AZI2: variants seen among roughly 807,000 people sequenced by gnomAD.
AZI2 encodes 5-azacytidine induced 2.
AZI2 carries 22 observed loss-of-function variants against 45.8 expected under a neutral mutation model. That is an observed-to-expected ratio of 0.48 (90% CI 0.34 to 0.69). The LOEUF (loss-of-function observed/expected upper bound fraction) is 0.69, where lower values mean the gene tolerates loss of function less well. Ranked by LOEUF, AZI2 falls within the 30% of genes least tolerant of loss-of-function variation. The pLI, the probability that AZI2 is intolerant of heterozygous loss-of-function variation, is 0.01. For missense variants in AZI2, 417 were observed against 441.5 expected (o/e 0.94, Z 0.50); for synonymous variants, 137 against 156.7 (o/e 0.87, Z 0.94).
chr3:28,348,290 A>T (rs1434607002), intron 1 of AZI2: 1 of 152,170 alleles, frequency 6.6e-6, no homozygotes, highest in Non-Finnish European at 1.5e-5. Context: ...AGCAGTCTCA[A>T]TGAATGAAAA....
At chr3:28,347,395 G>GA (rs531461818) in intron 1 of AZI2, among the ~76,000 whole-genome samples, 40 of 152,222 alleles carry the variant, frequency 2.6e-4, no homozygotes, top group African/African-American at 8.7e-4. Context: ...AGGTTGTAAA[G>GA]AATCTCCTCA....
intron 1 of AZI2, chr3:28,348,182 C>A (rs1162873431): frequency 2.0e-5 from 3 of 152,170 alleles, no homozygotes; most frequent in Non-Finnish European, 4.4e-5. Context: ...CGATCAAGTG[C>A]AGGGGGTCGA....
intron 2 of AZI2, 103 bp from the exon 3 acceptor site, chr3:28,338,718 G>A (rs1161088532): frequency 9.4e-7 from 1 of 1,064,686 alleles, no homozygotes; most frequent in Non-Finnish European, 1.3e-6. Flanking sequence ...TCGTAATAAG[G>A]GGATAAAGCC....
At chr3:28,347,498 T>G (rs556580196) in intron 1 of AZI2, among the ~76,000 whole-genome samples, 1 of 152,122 alleles carries the variant, frequency 6.6e-6, no homozygotes, top group Non-Finnish European at 1.5e-5. Context: ...CCAGCATAAC[T>G]CTTAGAAACT....
At chr3:28,325,863 A>G (rs984154315) in intron 7 of AZI2, among the ~76,000 whole-genome samples, 2 of 150,896 alleles carry the variant, frequency 1.3e-5, no homozygotes, top group Non-Finnish European at 3.0e-5. Context: ...ACACCATACT[A>G]TTTTCCCTGA....
intron 6 of AZI2, among the ~76,000 whole-genome samples, chr3:28,328,140 TGTTAA>T (rs1703449000): frequency 6.6e-6 from 1 of 151,034 alleles, no homozygotes; most frequent in African/African-American, 2.4e-5. Flanking sequence ...AAACATCATT[TGTTAA>T]GTTGTAGTAT....
chr3:28,334,828 AT>A (rs1703724479), intron 5 of AZI2, among the ~76,000 whole-genome samples: 1 of 151,996 alleles, frequency 6.6e-6, no homozygotes, highest in Non-Finnish European at 1.5e-5. Context: ...CTCTAATCAA[AT>A]TTTTTAAAAA....
At position 28,324,241 on chromosome 3, in the gene AZI2, G is replaced by C. The variant is rs764881587; in HGVS notation, c.980C>G (p.Pro327Arg). ...QSWTDNERSI[P>R]NDGTCFQEHS... is the part of the protein sequence containing the mutation. ...TTCCTGAAAGCATGTACCATCATTA[G>C]GAATGGATCTCTCATTGTCTGTCCA... Residue 327 changes from proline (P) to arginine (R), a missense_variant, in exon 8 of 8, where the codon CCT becomes CGT. Transcript: ENST00000479665. The C allele has an allele frequency of 1.9e-6, 3 of 1,610,156 alleles. No homozygotes were observed. The highest frequency in any genetic ancestry group is 1.6e-4 in the Middle Eastern group (1 of 6,068).
At chr3:28,335,472 G>A (rs1383815023) in intron 5 of AZI2, among the ~76,000 whole-genome samples, 1 of 151,856 alleles carries the variant, frequency 6.6e-6, no homozygotes, top group Non-Finnish European at 1.5e-5. Context: ...AAAGCTGGGG[G>A]AATCAACTTT....
Position 28,338,565 on chromosome 3 carries a change from T to A in AZI2, c.267A>T (p.Val89=). The change falls in exon 3 of 8, where the codon GTA becomes GTT. Residue 89 remains valine (V), a synonymous_variant. Coordinates refer to ENST00000479665, the MANE Select transcript of AZI2 (RefSeq NM_022461.5). ...EETSSVGREQ[V]NKAYHAYREV... ...CTCGATATGCATGATAGGCCTTATTTACTTGTTCTCGTCCCACGGAACTTG... is the reference window on the plus strand; with the variant it reads ...CTCGATATGCATGATAGGCCTTATTAACTTGTTCTCGTCCCACGGAACTTG... 6 of 1,610,692 alleles carry A rather than the reference T, an allele frequency of 3.7e-6. No homozygotes were observed. The highest frequency in any genetic ancestry group is 5.1e-6 in the Non-Finnish European group (6 of 1,178,054).
rs1391775514 is a variant in AZI2, at chr3:28,323,567, T to C, written c.*475A>G. On this transcript the variant is annotated 3_prime_UTR_variant, in exon 8 of 8. Transcript: ENST00000479665. Reference sequence around the variant, plus strand: ...TATAACCTAAGATGCTTTTATTTCATTATATTTTCAATATCTTTACGCATT... The same window carrying C: ...TATAACCTAAGATGCTTTTATTTCACTATATTTTCAATATCTTTACGCATT... 3 of 151,716 alleles carry C rather than the reference T, an allele frequency of 2.0e-5. No homozygotes were observed. The highest frequency in any genetic ancestry group is 4.8e-5 in the African/African-American group (2 of 41,310). The allele number at this position is 151,716 out of a possible 1,614,324, so 9.4% of individuals were successfully genotyped here.
In AZI2 at chr3:28,324,514, A is replaced by G. The variant is rs562082194; in HGVS notation, c.767-60T>C. The stretch of plus-strand genomic sequence containing the variant: ...ATTACATTTGTGATCATAAAATTCG[A>G]TAACACTTCACCAATTTGAATTCTA... On this transcript the variant is annotated intron_variant, in intron 7 of 7. Coordinates refer to ENST00000479665, the MANE Select transcript of AZI2 (RefSeq NM_022461.5). The G allele has an allele frequency of 1.4e-3, 1,854 of 1,356,304 alleles. 2 individuals are homozygous for G. The highest frequency in any genetic ancestry group is 1.7e-3 in the Non-Finnish European group (1,761 of 1,029,986). 84.0% of individuals were successfully genotyped at this position (1,356,304 alleles called of 1,614,324 possible).
At chr3:28,339,241 G>A (rs553802638) in intron 2 of AZI2, among the ~76,000 whole-genome samples, 1 of 152,040 alleles carries the variant, frequency 6.6e-6, no homozygotes, top group Non-Finnish European at 1.5e-5. Flanking sequence ...GCCTCCCAAA[G>A]GGCTGGAATT....
rs1703263016 is a variant in AZI2 at position 28,323,609 on chromosome 3, A to C, written c.*433T>G. The C allele has an allele frequency of 1.3e-5, 2 of 153,640 alleles. No homozygotes were observed. Among genetic ancestry groups the C allele is most frequent in the African/African-American group, 2.4e-5 (1 of 41,350 alleles). The allele number at this position is 153,640 out of a possible 1,614,324, so 9.5% of individuals were successfully genotyped here. The stretch of plus-strand genomic sequence containing the variant: ...TTACGCATTATAACAACAGAAATGT[A>C]ACCTACTCACATTGCCATTTGTTCC... On this transcript the variant is annotated 3_prime_UTR_variant, in exon 8 of 8. Coordinates refer to ENST00000479665, the MANE Select transcript of AZI2 (RefSeq NM_022461.5).
intron 4 of AZI2, among the ~76,000 whole-genome samples, chr3:28,337,331 T>C (rs1186673878): frequency 2.0e-5 from 3 of 151,594 alleles, no homozygotes; most frequent in Non-Finnish European, 4.4e-5. Flanking sequence ...TACTGCTTTA[T>C]TCTTTAATTA....
chr3:28,342,991 A>C (rs1704084031), intron 1 of AZI2, among the ~76,000 whole-genome samples: 1 of 152,100 alleles, frequency 6.6e-6, no homozygotes, highest in Admixed American at 6.6e-5. Context: ...GTGTATTTTA[A>C]GGATTGGGCT....
At position 28,323,404 on chromosome 3, in the gene AZI2, A is replaced by G. The variant is rs1703255013; in HGVS notation, c.*638T>C. 6.6e-6 allele frequency: 1 copy of G among 150,574 alleles called. No homozygotes were observed. The highest frequency in any genetic ancestry group is 2.4e-5 in the African/African-American group (1 of 41,082). 9.3% of individuals were successfully genotyped at this position (150,574 alleles called of 1,614,324 possible). On this transcript the variant is annotated 3_prime_UTR_variant, in exon 8 of 8. Transcript: ENST00000479665. ...AGGACTTAAGGAATGTGCTGGGACA[A>G]AGTTGGCTTCAGTGATCAGGTTGTT...
In AZI2 at chr3:28,321,672, A is replaced by G. The variant is rs1703192511; in HGVS notation, c.*2370T>C. 1 of 150,608 alleles carries G rather than the reference A, an allele frequency of 6.6e-6. No individual in the cohort carries two copies. Among genetic ancestry groups the G allele is most frequent in the African/African-American group, 2.4e-5 (1 of 41,246 alleles). 9.3% of individuals were successfully genotyped at this position (150,608 alleles called of 1,614,324 possible). On this transcript the variant is annotated 3_prime_UTR_variant, in exon 8 of 8. Transcript: ENST00000479665. The stretch of plus-strand genomic sequence containing the variant: ...GTAGCCTTTCTGAATTAAGATCAGT[A>G]CTTTGTTGTCACATGATTCAGCTCT...
intron 2 of AZI2, among the ~76,000 whole-genome samples, chr3:28,339,626 T>G (rs915109350): frequency 6.6e-6 from 1 of 152,180 alleles, no homozygotes; most frequent in Admixed American, 6.5e-5. Context: ...TCTTCAAGTT[T>G]TTTTTATATA....
Sources: allele counts gnomAD v4.1 joint callset (sites outside exome capture counted in the v4.1 genomes callset), GRCh38; gene constraint gnomAD v4.1.1; transcripts MANE v1.5; gene names NCBI Gene and HGNC (gene_info 2026-07-23, HGNC 2026-07-21).